FABP6: variants seen among roughly 807,000 people sequenced by gnomAD.
FABP6 encodes the protein gastrotropin.
In FABP6, 13 loss-of-function variants were observed where a neutral mutation model predicts 14.9. That is an observed-to-expected ratio of 0.87 (90% CI 0.57 to 1.39). The LOEUF (loss-of-function observed/expected upper bound fraction) is 1.39, where lower values mean the gene tolerates loss of function less well. FABP6 is among the 40% of genes most tolerant of loss of function. The pLI, the probability that FABP6 is intolerant of heterozygous loss-of-function variation, is 0.00. For missense variants in FABP6, 161 were observed against 167.2 expected (o/e 0.96, Z 0.20); for synonymous variants, 75 against 63.6 (o/e 1.18, Z -0.85).
At chr5:160,191,090 GAA>G (rs58261991) in intron 1 of FABP6, among the ~76,000 whole-genome samples, 3 of 127,606 alleles carry the variant, frequency 2.4e-5, no homozygotes, top group Admixed American at 8.4e-5. Flanking sequence ...ACTCCATCTG[GAA>G]AAAAAAAAAA....
intron 3 of FABP6, 78 bp from the exon 4 acceptor site, chr5:160,238,528 C>A: frequency 7.8e-7 from 1 of 1,286,144 alleles, no homozygotes. Context: ...GGGTTGGAGA[C>A]TCATCTTCCT....
chr5:160,194,191 T>G (rs1242457857), intron 1 of FABP6, among the ~76,000 whole-genome samples: 2 of 152,172 alleles, frequency 1.3e-5, no homozygotes, highest in African/African-American at 4.8e-5. Context: ...CTGCTCCCAG[T>G]GCGGGACCCA....
chr5:160,213,848 T>C, intron 3 of FABP6: 10 of 1,514,286 alleles, frequency 6.6e-6, no homozygotes, highest in Non-Finnish European at 9.2e-6. Context: ...GAGGGAAGGG[T>C]TCCTGACGTT....
At chr5:160,200,579 A>AT (rs952132158) in intron 2 of FABP6, among the ~76,000 whole-genome samples, 2 of 151,896 alleles carry the variant, frequency 1.3e-5, no homozygotes, top group African/African-American at 2.4e-5. Context: ...TGCCTGGCTA[A>AT]TTTTTTGTAT....
intron 3 of FABP6, among the ~76,000 whole-genome samples, chr5:160,237,744 A>C (rs1271771065): frequency 6.6e-6 from 1 of 152,074 alleles, no homozygotes; most frequent in Non-Finnish European, 1.5e-5. Flanking sequence ...CCAATTCTAC[A>C]GGTATGCTCT....
chr5:160,203,995 C>A (rs1038763317), intron 2 of FABP6, among the ~76,000 whole-genome samples: 1 of 152,084 alleles, frequency 6.6e-6, no homozygotes, highest in African/African-American at 2.4e-5. Flanking sequence ...GCCACCGCGC[C>A]CAGCCTCAGA....
At chr5:160,188,291 C>T (rs1272125854) in intron 1 of FABP6, among the ~76,000 whole-genome samples, 1 of 152,170 alleles carries the variant, frequency 6.6e-6, no homozygotes, top group Non-Finnish European at 1.5e-5. Flanking sequence ...CACACGCGAT[C>T]AAATGCTGCT....
upstream of FABP6, chr5:160,229,352 A>G: frequency 8.0e-7 from 1 of 1,248,758 alleles, no homozygotes; most frequent in Non-Finnish European, 1.1e-6. Context: ...CCCAGGGTGA[A>G]TAACCTCGGG....
chr5:160,204,678 AC>A (rs1429129493), intron 2 of FABP6: 1 of 152,098 alleles, frequency 6.6e-6, no homozygotes, highest in Non-Finnish European at 1.5e-5. Flanking sequence ...TTTAGTAGAG[AC>A]GGGGTTTCGC....
At chr5:160,232,320 A>T (rs371306689) in intron 2 of FABP6, 47 bp downstream of exon 2, 4 of 1,516,264 alleles carry the variant, frequency 2.6e-6, no homozygotes, top group Non-Finnish European at 3.5e-6. Context: ...CCTCCATCTG[A>T]CTTCTCCTTC....
At position 160,234,838 on chromosome 5, in the gene FABP6, G is replaced by A. The variant is rs1434338346; in HGVS notation, c.262G>A (p.Gly88Ser). Residue 88 changes from glycine to serine, a missense_variant, in exon 3 of 4, where the codon GGC (glycine) becomes AGC (serine). Coordinates refer to ENST00000402432, the MANE Select transcript of FABP6 (RefSeq NM_001445.3). ...KTFKATVQMEGGKLVVNFPNY... is the reference protein window; with the variant it reads ...KTFKATVQMESGKLVVNFPNY... ...ATTCCAGGCCACTGTGCAGATGGAG[G>A]GCGGGAAGCTGGTGGTGAATTTCCC... The A allele has an allele frequency of 2.5e-6, 4 of 1,611,280 alleles. No individual in the cohort carries two copies. Among genetic ancestry groups the A allele is most frequent in the Non-Finnish European group, 3.4e-6 (4 of 1,178,562 alleles).
intron 1 of FABP6, among the ~76,000 whole-genome samples, chr5:160,188,373 C>T (rs1759329749): frequency 6.6e-6 from 1 of 152,026 alleles, no homozygotes. Flanking sequence ...TTAGCAAATC[C>T]CCAGCCCAGG....
intron 1 of FABP6, among the ~76,000 whole-genome samples, chr5:160,194,529 A>G (rs1407995927): frequency 6.6e-6 from 1 of 152,184 alleles, no homozygotes; most frequent in Non-Finnish European, 1.5e-5. Flanking sequence ...CAATGGAGCA[A>G]GACCCGGTCT....
chr5:160,232,193 T>G lies in FABP6; in HGVS notation c.163T>G (p.Ser55Ala), dbSNP rs749140372. The change falls in exon 2 of 4, where the codon TCC (serine) becomes GCC (alanine). Residue 55 changes from serine to alanine, a missense_variant. Ser to Ala is a moderately conservative substitution (Grantham distance 99). Transcript: ENST00000402432. ...GQDFTWSQHYSGGHTMTNKFT... is the reference protein window; with the variant it reads ...GQDFTWSQHYAGGHTMTNKFT... ...GGACTTCACTTGGTCCCAGCACTACTCCGGGGGCCACACCATGACCAACAA... is the reference window on the plus strand; with the variant it reads ...GGACTTCACTTGGTCCCAGCACTACGCCGGGGGCCACACCATGACCAACAA... The G allele has an allele frequency of 6.2e-7, 1 of 1,613,650 alleles. No homozygotes were observed. Among genetic ancestry groups the G allele is most frequent in the East Asian group, 2.2e-5 (1 of 44,864 alleles).
chr5:160,207,443 T>G (rs1387122251), intron 2 of FABP6, among the ~76,000 whole-genome samples: 1 of 152,248 alleles, frequency 6.6e-6, no homozygotes, highest in African/African-American at 2.4e-5. Context: ...ATTACCCTTC[T>G]TTTGTTTCTT....
chr5:160,193,341 A>G (rs1205809120), intron 1 of FABP6, among the ~76,000 whole-genome samples: 2 of 152,060 alleles, frequency 1.3e-5, no homozygotes, highest in Non-Finnish European at 2.9e-5. Context: ...TAAGTGTTAT[A>G]GCTCATAAAA....
At chr5:160,194,699 A>G (rs1759475786) in intron 1 of FABP6, among the ~76,000 whole-genome samples, 1 of 152,016 alleles carries the variant, frequency 6.6e-6, no homozygotes, top group African/African-American at 2.4e-5. Context: ...TTTTGATTCC[A>G]GTGTCCACCT....
rs540236922 is a variant in FABP6 at position 160,201,652 on chromosome 5, C to T, written c.51+2495C>T. 2.7e-3 allele frequency among the ~76,000 whole-genome samples: 417 copies of T among 152,080 alleles called. 1 individual carries two copies. The highest frequency in any genetic ancestry group is 4.8e-3 in the Non-Finnish European group (323 of 67,980). On this transcript the variant is annotated intron_variant, in intron 2 of 6. Coordinates refer to the FABP6 transcript ENST00000393980. ...TTCCCTCTCCCCTTCTCATTTCTCA[C>T]CCTTCTTCTTTCTTCCTCTTTCCCC...
chr5:160,213,252 T>A (rs913836874), intron 2 of FABP6, among the ~76,000 whole-genome samples: 1 of 152,190 alleles, frequency 6.6e-6, no homozygotes, highest in Non-Finnish European at 1.5e-5. Context: ...AGTACTCATG[T>A]CCCGTTTGTC....
Sources: allele counts gnomAD v4.1 joint callset (sites outside exome capture counted in the v4.1 genomes callset), GRCh38; gene constraint gnomAD v4.1.1; transcripts MANE v1.5; gene names NCBI Gene and HGNC (gene_info 2026-07-23, HGNC 2026-07-21).